The following PTPN1 variants were observed in gnomAD, a reference collection of about 807,000 sequenced individuals.
The protein encoded by PTPN1 is tyrosine-protein phosphatase non-receptor type 1.
PTPN1 carries 12 observed loss-of-function variants against 59.9 expected under a neutral mutation model. That is an observed-to-expected ratio of 0.20 (90% CI 0.13 to 0.32). The LOEUF is 0.32. PTPN1 is among the 10% of genes least tolerant of loss of function. The probability of loss-of-function intolerance (pLI) is 1.00; values close to 1 mark genes in which losing one functional copy is unlikely to be tolerated. For synonymous variants in PTPN1, 178 were observed against 203.6 expected (o/e 0.87, Z 1.07); for missense variants, 356 against 549.2 (o/e 0.65, Z 3.52).
At chr20:50,523,273 A>G (rs2082559141) in intron 1 of PTPN1, among the ~76,000 whole-genome samples, 1 of 152,138 alleles carries the variant, frequency 6.6e-6, no homozygotes, top group Non-Finnish European at 1.5e-5. Context: ...GGTTGTGACC[A>G]TGTTGTTAGA....
chr20:50,547,661 C>T (rs889552846), intron 1 of PTPN1, among the ~76,000 whole-genome samples: 2 of 152,156 alleles, frequency 1.3e-5, no homozygotes, highest in African/African-American at 2.4e-5. Flanking sequence ...TGCACCCGGC[C>T]GTGTTAAAAT....
intron 1 of PTPN1, among the ~76,000 whole-genome samples, chr20:50,548,540 C>G (rs569206024): frequency 1.3e-5 from 2 of 151,980 alleles, no homozygotes; most frequent in Admixed American, 1.3e-4. Context: ...ACCTTCCCAC[C>G]TCAGCCTCCC....
chr20:50,533,533 T>C (rs2122739313), intron 1 of PTPN1, among the ~76,000 whole-genome samples: 1 of 151,772 alleles, frequency 6.6e-6, no homozygotes, highest in Middle Eastern at 3.4e-3. Flanking sequence ...TTTCAATTGC[T>C]AGCCAGTGAA....
chr20:50,567,860 A>G (rs1388629524), intron 3 of PTPN1, among the ~76,000 whole-genome samples: 1 of 152,218 alleles, frequency 6.6e-6, no homozygotes, highest in East Asian at 1.9e-4. Context: ...CTTTATAGAA[A>G]TGAACATACT....
rs2082500870 is a variant in PTPN1, at chr20:50,510,446, G to C, written c.-82G>C. ...GGGGTCGGGGATTGCAGCGGGCCTCGGGGCTAAGAGCGCGACGCGGCCTAG... is the reference window on the plus strand; with the variant it reads ...GGGGTCGGGGATTGCAGCGGGCCTCCGGGCTAAGAGCGCGACGCGGCCTAG... On this transcript the variant is annotated 5_prime_UTR_variant, in exon 1 of 10. Transcript: ENST00000371621. The C allele has an allele frequency of 2.4e-5, 36 of 1,470,466 alleles. No homozygotes were observed. The highest frequency in any genetic ancestry group is 3.3e-5 in the Non-Finnish European group (36 of 1,090,400). 91.1% of individuals were successfully genotyped at this position (1,470,466 alleles called of 1,614,324 possible).
chr20:50,543,166 A>G (rs191565547), intron 1 of PTPN1, among the ~76,000 whole-genome samples: 5 of 152,330 alleles, frequency 3.3e-5, no homozygotes, highest in East Asian at 1.9e-4. Flanking sequence ...AATGTTTTCA[A>G]TATTTTCTTG....
chr20:50,555,785 A>G (rs563551997), intron 1 of PTPN1, among the ~76,000 whole-genome samples: 2 of 151,978 alleles, frequency 1.3e-5, no homozygotes, highest in African/African-American at 2.4e-5. Context: ...AAAAGTACAT[A>G]TGCATAATCC....
chr20:50,553,223 G>A (rs2082711254), intron 1 of PTPN1, among the ~76,000 whole-genome samples: 1 of 152,152 alleles, frequency 6.6e-6, no homozygotes, highest in South Asian at 2.1e-4. Flanking sequence ...TGACTAATAC[G>A]AAAACTATAG....
At chr20:50,563,465 G>C (rs756850498) in intron 2 of PTPN1, among the ~76,000 whole-genome samples, 1 of 152,162 alleles carries the variant, frequency 6.6e-6, no homozygotes, top group Non-Finnish European at 1.5e-5. Flanking sequence ...TCTGAGGTGA[G>C]TTGTTTGCCC....
At position 50,510,704 on chromosome 20, in the gene PTPN1, G is replaced by T. The variant is rs1244064721; in HGVS notation, c.63+114G>T. 212 of 1,128,882 alleles carry T rather than the reference G, an allele frequency of 1.9e-4. 1 individual carries two copies. Among genetic ancestry groups the T allele is most frequent in the Non-Finnish European group, 1.2e-6 (1 of 819,862 alleles). 69.9% of individuals were successfully genotyped at this position (1,128,882 alleles called of 1,614,324 possible). A position where few individuals can be genotyped will look rare whatever the true frequency, so the allele number is the denominator to read the frequency against. On this transcript the variant is annotated intron_variant, in intron 1 of 9. Transcript: ENST00000371621. The stretch of plus-strand genomic sequence containing the variant: ...TCTTGCCCTCTGCCTCGCTCCTACT[G>T]CTTGAGGATTCGATGGGACAGCGAC...
At chr20:50,567,147 G>A (rs1166344915) in intron 3 of PTPN1, among the ~76,000 whole-genome samples, 1 of 152,220 alleles carries the variant, frequency 6.6e-6, no homozygotes, top group African/African-American at 2.4e-5. Flanking sequence ...GAGCTTATGG[G>A]CCGGGGACGG....
intron 1 of PTPN1, among the ~76,000 whole-genome samples, chr20:50,549,511 C>T (rs1414995384): frequency 6.6e-6 from 1 of 152,150 alleles, no homozygotes; most frequent in Non-Finnish European, 1.5e-5. Context: ...TACAAGCGGA[C>T]CCAACGCTTC....
At chr20:50,532,897 G>A (rs1472158077) in intron 1 of PTPN1, among the ~76,000 whole-genome samples, 2 of 152,144 alleles carry the variant, frequency 1.3e-5, no homozygotes, top group African/African-American at 4.8e-5. Context: ...AATAGGATTA[G>A]GCTGGAATTG....
intron 1 of PTPN1, among the ~76,000 whole-genome samples, chr20:50,548,265 A>G (rs2082684736): frequency 6.6e-6 from 1 of 152,064 alleles, no homozygotes; most frequent in Non-Finnish European, 1.5e-5. Flanking sequence ...AGGTTTTTTA[A>G]AAAATTTTCA....
chr20:50,578,809 T>G (rs1285674485), intron 6 of PTPN1, among the ~76,000 whole-genome samples, 180 bp downstream of exon 6: 1 of 152,198 alleles, frequency 6.6e-6, no homozygotes, highest in African/African-American at 2.4e-5. Flanking sequence ...GAAAAGAGGT[T>G]TAACTGGCTC....
In PTPN1 at chr20:50,582,807, C is replaced by T; in HGVS notation, c.*92C>T. On this transcript the variant is annotated 3_prime_UTR_variant, in exon 10 of 10. Coordinates refer to ENST00000371621, the MANE Select transcript of PTPN1 (RefSeq NM_002827.4). The surrounding 1 kb of genome is among the most constrained non-coding windows in gnomAD (Gnocchi z 4.2). The stretch of plus-strand genomic sequence containing the variant: ...GCAGGCATGCCGCGGTAGGTAAGGG[C>T]CGCCGGACCGCGTAGAGAGCCGGGC... The T allele has an allele frequency of 1.3e-6, 2 of 1,508,676 alleles. No homozygotes were observed. The highest frequency in any genetic ancestry group is 1.8e-6 in the Non-Finnish European group (2 of 1,096,636). 93.5% of individuals were successfully genotyped at this position (1,508,676 alleles called of 1,614,324 possible). A position where few individuals can be genotyped will look rare whatever the true frequency, so the allele number is the denominator to read the frequency against.
At chr20:50,529,163 G>A (rs1182190048) in intron 1 of PTPN1, among the ~76,000 whole-genome samples, 3 of 152,172 alleles carry the variant, frequency 2.0e-5, no homozygotes, top group Non-Finnish European at 4.4e-5. Flanking sequence ...CACAGACCAT[G>A]CCACTCTGGA....
chr20:50,537,885 A>G (rs1263156119), intron 1 of PTPN1, among the ~76,000 whole-genome samples: 7 of 152,222 alleles, frequency 4.6e-5, no homozygotes, highest in Admixed American at 2.0e-4. Context: ...GCCTGACAGT[A>G]ATGTACATGT....
intron 1 of PTPN1, among the ~76,000 whole-genome samples, chr20:50,544,468 TG>T (rs1447874765): frequency 1.3e-5 from 2 of 152,218 alleles, no homozygotes; most frequent in Admixed American, 1.3e-4. Context: ...ATTTTTTAAA[TG>T]TGCAAACAGA....
Sources: gnomAD v4.1 joint callset for allele counts (sites outside exome capture counted in the v4.1 genomes callset) on GRCh38, gnomAD v4.1.1 for gene constraint, Gnocchi (gnomAD v3.1) non-coding constraint, MANE v1.5 for transcripts, NCBI Gene and HGNC (gene_info 2026-07-23, HGNC 2026-07-21) for gene names.